The following NPTX2 variants were observed in gnomAD, a reference collection of about 807,000 sequenced individuals.
NPTX2 encodes neuronal pentraxin 2, also known as neuronal pentraxin-2.
NPTX2 carries 23 observed loss-of-function variants against 38.1 expected under a neutral mutation model. That is an observed-to-expected ratio of 0.60 (90% CI 0.43 to 0.85). The LOEUF (loss-of-function observed/expected upper bound fraction) is 0.85. Among genes scored for constraint, NPTX2 ranks in the 40% least tolerant of loss-of-function variants. The probability of loss-of-function intolerance (pLI) is 0.00; values close to 1 mark genes in which losing one functional copy is unlikely to be tolerated. For missense variants in NPTX2, 553 were observed against 615.3 expected (o/e 0.90, Z 1.07); for synonymous variants, 291 against 287.3 (o/e 1.01, Z -0.13).
intron 4 of NPTX2, 90 bp downstream of exon 4, chr7:98,627,434 G>A: frequency 9.0e-7 from 1 of 1,105,998 alleles, no homozygotes; most frequent in East Asian, 2.5e-5. Context: ...GTGCGAGGAG[G>A]GGCCAACTGA....
At chr7:98,621,216 C>G (rs1356344594) in intron 2 of NPTX2, among the ~76,000 whole-genome samples, 1 of 152,102 alleles carries the variant, frequency 6.6e-6, no homozygotes, top group Non-Finnish European at 1.5e-5. Context: ...GTGACTGTCC[C>G]TTTCATCCCC....
At chr7:98,623,665 G>A (rs1791304212) in intron 2 of NPTX2, among the ~76,000 whole-genome samples, 1 of 152,172 alleles carries the variant, frequency 6.6e-6, no homozygotes, top group South Asian at 2.1e-4. Context: ...AAGTTATGGA[G>A]TCAAGACCCG....
intron 1 of NPTX2, among the ~76,000 whole-genome samples, chr7:98,618,608 C>T (rs1791222181): frequency 8.0e-6 from 1 of 124,730 alleles, no homozygotes; most frequent in Non-Finnish European, 1.7e-5. Flanking sequence ...CCCCCCCCCG[C>T]CCCCCGCTCC....
Position 98,623,380 on chromosome 7 carries a change from A to G in NPTX2, c.644-1542A>G, listed in dbSNP as rs541942797. Among the ~76,000 whole-genome samples the G allele has an allele frequency of 5.9e-4, 90 of 152,300 alleles. 1 individual carries two copies. The highest frequency in any genetic ancestry group is 3.4e-3 in the Middle Eastern group (1 of 294). ...CTTCAACCAAGGCTGCCTTGGAAATATTGTAAACCCATTCTAGAGTTTGTT... is the reference window on the plus strand; with the variant it reads ...CTTCAACCAAGGCTGCCTTGGAAATGTTGTAAACCCATTCTAGAGTTTGTT... On this transcript the variant is annotated intron_variant, in intron 2 of 4. Coordinates refer to ENST00000265634, the MANE Select transcript of NPTX2 (RefSeq NM_002523.3).
chr7:98,617,419 G>A lies in NPTX2; in HGVS notation c.-43G>A. ...GCCTCCCGCGGAGCGCCCCGACGGCGCCCGCTCGCCCATGCCGAGCTGAGC... is the reference window on the plus strand; with the variant it reads ...GCCTCCCGCGGAGCGCCCCGACGGCACCCGCTCGCCCATGCCGAGCTGAGC... On this transcript the variant is annotated 5_prime_UTR_variant, in exon 1 of 5. Transcript: ENST00000265634. 7 of 650,392 alleles carry A rather than the reference G, an allele frequency of 1.1e-5. No homozygotes were observed. Among genetic ancestry groups the A allele is most frequent in the African/African-American group, 1.9e-5 (1 of 52,150 alleles). 40.3% of individuals were successfully genotyped at this position (650,392 alleles called of 1,614,324 possible). A position where few individuals can be genotyped will look rare whatever the true frequency, so the allele number is the denominator to read the frequency against.
chr7:98,625,631 A>G (rs1163895036), intron 3 of NPTX2, among the ~76,000 whole-genome samples: 1 of 152,104 alleles, frequency 6.6e-6, no homozygotes, highest in Non-Finnish European at 1.5e-5. Flanking sequence ...ACAATTCAGG[A>G]AGTTTTAACA....
At chr7:98,621,883 C>T (rs1400859604) in intron 2 of NPTX2, among the ~76,000 whole-genome samples, 1 of 152,214 alleles carries the variant, frequency 6.6e-6, no homozygotes, top group Non-Finnish European at 1.5e-5. Context: ...GTTGGTGGGG[C>T]CCCAGAGGAG....
chr7:98,623,704 G>A (rs1418335868), intron 2 of NPTX2, among the ~76,000 whole-genome samples: 1 of 152,200 alleles, frequency 6.6e-6, no homozygotes, highest in Non-Finnish European at 1.5e-5. Flanking sequence ...CTCGGCAGTG[G>A]TAATTCTTTC....
intron 2 of NPTX2, among the ~76,000 whole-genome samples, chr7:98,621,322 C>T (rs1482015778): frequency 6.6e-6 from 1 of 152,110 alleles, no homozygotes; most frequent in Admixed American, 6.5e-5. Flanking sequence ...CCTCAAAGCT[C>T]ATCTGGCACA....
Position 98,617,797 on chromosome 7 carries a change from T to G in NPTX2, c.336T>G (p.Thr112=). 6.5e-7 allele frequency: 1 copy of G among 1,527,216 alleles called. No individual in the cohort carries two copies. The allele number at this position is 1,527,216 out of a possible 1,614,324, so 94.6% of individuals were successfully genotyped here. ...ARGAGATGKD[T]MGDLPRDPGH... is the part of the protein sequence containing the mutation. ...GCGCGGGGGCCACGGGCAAGGACAC[T>G]ATGGGCGACCTGCCGCGGGACCCCG... The change falls in exon 1 of 5, where the codon ACT becomes ACG. Residue 112 remains threonine (T), a synonymous_variant. Transcript: ENST00000265634.
At chr7:98,626,854 C>A (rs1035510557) in intron 3 of NPTX2, among the ~76,000 whole-genome samples, 5 of 152,222 alleles carry the variant, frequency 3.3e-5, no homozygotes, top group African/African-American at 1.2e-4. Flanking sequence ...AGGAGACTGG[C>A]CCCATGGAAC....
chr7:98,618,943 A>T (rs1029976410), intron 1 of NPTX2, among the ~76,000 whole-genome samples: 1 of 151,988 alleles, frequency 6.6e-6, no homozygotes, highest in African/African-American at 2.4e-5. Flanking sequence ...TTAATTTTTT[A>T]ATCCTTGGAA....
At chr7:98,619,148 G>T (rs1201058560) in intron 1 of NPTX2, among the ~76,000 whole-genome samples, 2 of 152,164 alleles carry the variant, frequency 1.3e-5, no homozygotes, top group Non-Finnish European at 2.9e-5. Flanking sequence ...GATTGCTGGA[G>T]TTCAGAATAG....
chr7:98,617,364 G>C lies in NPTX2; in HGVS notation c.-98G>C. ...CCGCGGTGCACGCGACCCTCGAGAC[G>C]ACAGCGCGGCTACTGCCAGCAGCGA... On this transcript the variant is annotated 5_prime_UTR_variant, in exon 1 of 5. Transcript: ENST00000265634. 1 of 316,462 alleles carries C rather than the reference G, an allele frequency of 3.2e-6. No homozygotes were observed. The highest frequency in any genetic ancestry group is 5.6e-6 in the Non-Finnish European group (1 of 178,666). 19.6% of individuals were successfully genotyped at this position (316,462 alleles called of 1,614,324 possible). A position where few individuals can be genotyped will look rare whatever the true frequency, so the allele number is the denominator to read the frequency against.
At chr7:98,618,568 C>T (rs1791215765) in intron 1 of NPTX2, among the ~76,000 whole-genome samples, 1 of 51,272 alleles carries the variant, frequency 2.0e-5, no homozygotes, top group Non-Finnish European at 3.7e-5. Flanking sequence ...CTCTCTCTCT[C>T]TCCCCCCCTC....
chr7:98,625,007 G>A lies in NPTX2; in HGVS notation c.729G>A (p.Thr243=), dbSNP rs751008515. 134 of 1,613,724 alleles carry A rather than the reference G, an allele frequency of 8.3e-5. 1 individual carries two copies. Among genetic ancestry groups the A allele is most frequent in the Non-Finnish European group, 1.0e-4 (122 of 1,180,032 alleles). The part of the protein sequence containing the change: ...TNYLYGKIKK[T]LPELYAFTIC... ...ACCTATACGGCAAGATCAAGAAGAC[G>A]CTGCCTGAGCTGTACGCCTTCACCA... Residue 243 remains threonine (T), a synonymous_variant, in exon 3 of 5, where the codon ACG becomes ACA. Coordinates refer to ENST00000265634, the MANE Select transcript of NPTX2 (RefSeq NM_002523.3).
intron 1 of NPTX2, among the ~76,000 whole-genome samples, chr7:98,618,569 T>TCCCCCCCCC (rs145792464): frequency 6.6e-5 from 2 of 30,090 alleles, no homozygotes; most frequent in African/African-American, 1.6e-4. Context: ...TCTCTCTCTC[T>TCCCCCCCCC]CCCCCCCTCC....
intron 4 of NPTX2, among the ~76,000 whole-genome samples, chr7:98,628,033 C>T (rs4729460): frequency 0.032 from 4,917 of 152,154 alleles, 210 homozygotes; most frequent in East Asian, 0.22. Flanking sequence ...GACAGTGGGG[C>T]GTAGACTCCA....
In NPTX2 at chr7:98,627,324, C is replaced by G. The variant is rs1030261187; in HGVS notation, c.1048C>G (p.Leu350Val). The change falls in exon 4 of 5, where the codon CTG becomes GTG. Residue 350 changes from leucine to valine, a missense_variant. Transcript: ENST00000265634. ...GCACCCCATCAAGCCCGGGGGCGTG[C>G]TGATCCTTGGACAAGAGCAGGTGGG... Reference protein sequence around the residue: ...PWHPIKPGGVLILGQEQDTVG... With the variant: ...PWHPIKPGGVVILGQEQDTVG... The G allele has an allele frequency of 3.1e-6, 5 of 1,613,520 alleles. No homozygotes were observed. Among genetic ancestry groups the G allele is most frequent in the Non-Finnish European group, 4.2e-6 (5 of 1,179,898 alleles).
Sources: allele counts gnomAD v4.1 joint callset (sites outside exome capture counted in the v4.1 genomes callset), GRCh38; gene constraint gnomAD v4.1.1; transcripts MANE v1.5; gene names NCBI Gene and HGNC (gene_info 2026-07-23, HGNC 2026-07-21).